Variants in STEAP1B observed in about 807,000 individuals in gnomAD.
STEAP1B encodes STEAP family member 1B, also known as STEAP family protein MGC87042.
Under a neutral mutation model 27.9 loss-of-function variants are expected in STEAP1B, and 13 were observed. That is an observed-to-expected ratio of 0.47 (90% confidence interval 0.30 to 0.74). The LOEUF (loss-of-function observed/expected upper bound fraction) is 0.74, where lower values mean the gene tolerates loss of function less well. Ranked by LOEUF, STEAP1B falls within the 30% of genes least tolerant of loss-of-function variation. The pLI is 0.06. For synonymous variants in STEAP1B, 86 were observed against 107.1 expected, an observed-to-expected ratio of 0.80 and a Z score of 1.22; for missense variants, 250 against 298.7, an observed-to-expected ratio of 0.84 and a Z score of 1.20.
chr7:22,482,821 A>T (rs1687089585), intron 4 of STEAP1B, among the ~76,000 whole-genome samples: 1 of 152,142 alleles, frequency 6.6e-6, no homozygotes, highest in African/African-American at 2.4e-5. Flanking sequence ...CCCACCCTAC[A>T]CACACTCCTA....
chr7:22,431,847 T>C (rs550706856), intron 4 of STEAP1B, among the ~76,000 whole-genome samples: 7 of 152,296 alleles, frequency 4.6e-5, no homozygotes, highest in Non-Finnish European at 8.8e-5. Flanking sequence ...CTCCAGCTCT[T>C]GCCAGGCTCT....
At chr7:22,427,391 G>T (rs1220489854) in intron 4 of STEAP1B, among the ~76,000 whole-genome samples, 1 of 152,172 alleles carries the variant, frequency 6.6e-6, no homozygotes, top group African/African-American at 2.4e-5. Flanking sequence ...ATTGGAAGTG[G>T]GTTTCAAGAG....
At chr7:22,473,127 C>T (rs191963100) in intron 4 of STEAP1B, among the ~76,000 whole-genome samples, 1 of 152,194 alleles carries the variant, frequency 6.6e-6, no homozygotes, top group African/African-American at 2.4e-5. Flanking sequence ...TGATGCATTA[C>T]CGCACTGACC....
At chr7:22,488,867 C>T (rs1469861025) in intron 4 of STEAP1B, among the ~76,000 whole-genome samples, 2 of 152,162 alleles carry the variant, frequency 1.3e-5, no homozygotes, top group Non-Finnish European at 2.9e-5. Context: ...GCTGAGAAGG[C>T]TCTTAGAAAT....
At chr7:22,472,814 CAGG>C (rs1381382156) in intron 4 of STEAP1B, among the ~76,000 whole-genome samples, 2 of 152,230 alleles carry the variant, frequency 1.3e-5, no homozygotes, top group East Asian at 1.9e-4. Flanking sequence ...GGAGGCTATG[CAGG>C]AGAATGGAAA....
intron 4 of STEAP1B, among the ~76,000 whole-genome samples, chr7:22,484,778 T>C (rs1786171625): frequency 6.6e-6 from 1 of 152,250 alleles, no homozygotes; most frequent in Non-Finnish European, 1.5e-5. Context: ...TAAAAATATT[T>C]GTGATTTGTG....
At chr7:22,489,828 T>C (rs1786288010) in intron 4 of STEAP1B, among the ~76,000 whole-genome samples, 1 of 152,232 alleles carries the variant, frequency 6.6e-6, no homozygotes, top group African/African-American at 2.4e-5. Context: ...GGGAATGTCA[T>C]TGAATCTATA....
chr7:22,437,555 T>C (rs927046212), intron 4 of STEAP1B, among the ~76,000 whole-genome samples: 9 of 152,248 alleles, frequency 5.9e-5, no homozygotes, highest in African/African-American at 1.7e-4. Context: ...AATGTAGCAA[T>C]GAACATGGAA....
chr7:22,482,778 G>A (rs2128414191), intron 4 of STEAP1B, among the ~76,000 whole-genome samples: 1 of 152,280 alleles, frequency 6.6e-6, no homozygotes, highest in East Asian at 1.9e-4. Flanking sequence ...GGTCAGCTCT[G>A]ACAGTTGTGG....
chr7:22,438,242 G>T (rs1483698087), intron 4 of STEAP1B, among the ~76,000 whole-genome samples: 1 of 152,038 alleles, frequency 6.6e-6, no homozygotes, highest in East Asian at 1.9e-4. Flanking sequence ...CTCTCCCATG[G>T]CCAACAAAGT....
At chr7:22,481,774 A>T (rs1463753105) in intron 4 of STEAP1B, among the ~76,000 whole-genome samples, 5 of 152,256 alleles carry the variant, frequency 3.3e-5, no homozygotes, top group African/African-American at 4.8e-5. Flanking sequence ...AGATGAACAC[A>T]GTCACGTAAA....
chr7:22,426,338 G>C (rs2528836), intron 4 of STEAP1B, among the ~76,000 whole-genome samples: 108,816 of 151,828 alleles, frequency 0.72, 39,314 homozygotes, highest in Middle Eastern at 0.78. Context: ...ATCCTCAAAG[G>C]ACAAAAAAAA....
At chr7:22,458,312 G>A (rs1362094803) in intron 4 of STEAP1B, among the ~76,000 whole-genome samples, 4 of 152,198 alleles carry the variant, frequency 2.6e-5, no homozygotes, top group Non-Finnish European at 1.5e-5. Context: ...GAAATGCACA[G>A]GGGGCCATGG....
At chr7:22,475,362 C>T (rs2128411928) in intron 4 of STEAP1B, among the ~76,000 whole-genome samples, 1 of 152,324 alleles carries the variant, frequency 6.6e-6, no homozygotes, top group Admixed American at 6.5e-5. Context: ...CGCACCTGTC[C>T]ATGTGGGGCC....
chr7:22,435,977 G>A (rs1033180083), intron 4 of STEAP1B, among the ~76,000 whole-genome samples: 2 of 152,164 alleles, frequency 1.3e-5, no homozygotes, highest in Non-Finnish European at 2.9e-5. Flanking sequence ...TGGTGGACCC[G>A]CCTGGCATGC....
At chr7:22,465,562 TTTG>T (rs769149601) in intron 4 of STEAP1B, among the ~76,000 whole-genome samples, 35 of 152,262 alleles carry the variant, frequency 2.3e-4, no homozygotes, top group Admixed American at 4.6e-4. Flanking sequence ...TTCAATTTCT[TTTG>T]TTATTGTTAT....
rs80297518 is a variant in STEAP1B at position 22,428,927 on chromosome 7, A to G, written c.763-9091T>C. Reference sequence around the variant, plus strand: ...GCCTTTCACCACAAAGAAATCTTAAATGGTGAACATATATAAGGTGTTCAA... The same window carrying G: ...GCCTTTCACCACAAAGAAATCTTAAGTGGTGAACATATATAAGGTGTTCAA... On this transcript the variant is annotated intron_variant, in intron 4 of 4. Coordinates refer to ENST00000678116, the MANE Select transcript of STEAP1B (RefSeq NM_001382447.1). Among the ~76,000 whole-genome samples the G allele has an allele frequency of 7.4e-3, 1,133 of 152,350 alleles. 14 individuals are homozygous for G. The highest frequency in any genetic ancestry group is 0.026 in the African/African-American group (1,068 of 41,568).
intron 4 of STEAP1B, among the ~76,000 whole-genome samples, chr7:22,491,682 G>T (rs1002428230): frequency 2.0e-5 from 3 of 152,154 alleles, no homozygotes; most frequent in Non-Finnish European, 4.4e-5. Flanking sequence ...GACTTTTTTG[G>T]GGAGGTATAA....
At chr7:22,424,880 T>A (rs1785086696) in intron 4 of STEAP1B, among the ~76,000 whole-genome samples, 1 of 103,868 alleles carries the variant, frequency 9.6e-6, no homozygotes. Context: ...ATCACCAGAG[T>A]ACAAATTGTT....
Sources: gnomAD v4.1 joint callset for allele counts (sites outside exome capture counted in the v4.1 genomes callset) on GRCh38, gnomAD v4.1.1 for gene constraint, MANE v1.5 for transcripts, NCBI Gene and HGNC (gene_info 2026-07-23, HGNC 2026-07-21) for gene names.